The following RAD23B variants were observed in gnomAD, a reference collection of about 807,000 sequenced individuals.
The protein encoded by RAD23B is RAD23 nucleotide excision repair protein B.
Under a neutral mutation model 49.1 loss-of-function variants are expected in RAD23B, and 5 were observed. The ratio of observed to expected loss-of-function variants is 0.10; its 90% CI spans 0.05 to 0.21. The LOEUF is 0.21. Among genes scored for constraint, RAD23B ranks in the 10% least tolerant of loss-of-function variants. RAD23B has a pLI of 1.00. For missense variants in RAD23B, 356 were observed against 486.7 expected (o/e 0.73, Z 2.53); for synonymous variants, 184 against 165.4 (o/e 1.11, Z -0.86).
intron 1 of RAD23B, among the ~76,000 whole-genome samples, chr9:107,289,140 CT>C (rs1833336429): frequency 7.4e-6 from 1 of 135,996 alleles, no homozygotes; most frequent in Non-Finnish European, 1.6e-5. Flanking sequence ...CTCCTTTCCT[CT>C]CCTTCCCTCC....
chr9:107,297,185 C>T (rs1437739553), intron 1 of RAD23B, among the ~76,000 whole-genome samples: 9 of 151,498 alleles, frequency 5.9e-5, no homozygotes, highest in Non-Finnish European at 1.2e-4. Flanking sequence ...TTTTATTTGT[C>T]CTTTTTTTCT....
At chr9:107,309,885 T>G (rs778948125) in intron 4 of RAD23B, among the ~76,000 whole-genome samples, 2 of 146,200 alleles carry the variant, frequency 1.4e-5, no homozygotes, top group Non-Finnish European at 3.0e-5. Flanking sequence ...GAGCCGAGAT[T>G]GCGCCGCTGC....
chr9:107,328,615 T>C (rs1206009343), intron 9 of RAD23B, among the ~76,000 whole-genome samples: 1 of 152,164 alleles, frequency 6.6e-6, no homozygotes, highest in Non-Finnish European at 1.5e-5. Flanking sequence ...GGAGTGGCTG[T>C]AAATACAGAT....
chr9:107,327,589 C>A (rs1029872001), intron 9 of RAD23B, among the ~76,000 whole-genome samples: 1 of 152,100 alleles, frequency 6.6e-6, no homozygotes, highest in Admixed American at 6.5e-5. Context: ...TTTCTCCTTT[C>A]GATTTCTAAA....
At chr9:107,328,349 C>T (rs747551087) in intron 9 of RAD23B, among the ~76,000 whole-genome samples, 2 of 151,844 alleles carry the variant, frequency 1.3e-5, no homozygotes, top group Admixed American at 1.3e-4. Context: ...GTGGGGTGGG[C>T]GCAGTGATTT....
chr9:107,286,510 A>G (rs1332701425), intron 1 of RAD23B, among the ~76,000 whole-genome samples: 1 of 152,256 alleles, frequency 6.6e-6, no homozygotes, highest in Non-Finnish European at 1.5e-5. Context: ...GATACATTAC[A>G]TGACCACTGC....
chr9:107,315,225 T>C (rs1453558412), intron 5 of RAD23B, among the ~76,000 whole-genome samples: 2 of 152,230 alleles, frequency 1.3e-5, no homozygotes, highest in Non-Finnish European at 2.9e-5. Context: ...ATTTGTTGAA[T>C]AGGGTGTCCT....
Position 107,292,630 on chromosome 9 carries a change from A to G in RAD23B, c.67-7511A>G, listed in dbSNP as rs377464712. On this transcript the variant is annotated intron_variant, in intron 1 of 9. Transcript: ENST00000358015. ...GTGAGGTGGAGGTTGCAGTGAGCCA[A>G]GATCGTGCCACTACACTCCAGCCTG... Among the ~76,000 whole-genome samples, 4 of 145,938 alleles carry G rather than the reference A, an allele frequency of 2.7e-5. No homozygotes were observed. The East Asian group carries it at 8.4e-4, about 30-fold the overall frequency.
Position 107,329,683 on chromosome 9 carries a change from C to A in RAD23B, c.*27C>A. On this transcript the variant is annotated 3_prime_UTR_variant, in exon 10 of 10. Coordinates refer to ENST00000358015, the MANE Select transcript of RAD23B (RefSeq NM_002874.5). ...AGGGACTTTTTTATATCTCACACTT[C>A]ACACCAGTGCATTACACTAACTTGT... The A allele has an allele frequency of 1.4e-6, 2 of 1,447,082 alleles. No homozygotes were observed. The highest frequency in any genetic ancestry group is 9.7e-7 in the Non-Finnish European group (1 of 1,031,080). 89.6% of individuals were successfully genotyped at this position (1,447,082 alleles called of 1,614,324 possible). A position where few individuals can be genotyped will look rare whatever the true frequency, so the allele number is the denominator to read the frequency against.
chr9:107,297,547 G>T (rs1353839106), intron 1 of RAD23B, among the ~76,000 whole-genome samples: 1 of 152,086 alleles, frequency 6.6e-6, no homozygotes, highest in Non-Finnish European at 1.5e-5. Context: ...CACCATGTTG[G>T]CCAGGCTGGT....
chr9:107,304,948 A>G (rs922169701), intron 3 of RAD23B, among the ~76,000 whole-genome samples: 2 of 152,226 alleles, frequency 1.3e-5, no homozygotes, highest in African/African-American at 2.4e-5. Context: ...CATGTTTTAT[A>G]TGTTACATGT....
At chr9:107,303,653 C>T (rs1374276919) in intron 3 of RAD23B, among the ~76,000 whole-genome samples, 1 of 152,086 alleles carries the variant, frequency 6.6e-6, no homozygotes, top group African/African-American at 2.4e-5. Flanking sequence ...TTGTGACTGG[C>T]TTATTTCACT....
At chr9:107,328,017 A>G (rs1564254280) in intron 9 of RAD23B, among the ~76,000 whole-genome samples, 1 of 151,936 alleles carries the variant, frequency 6.6e-6, no homozygotes, top group Non-Finnish European at 1.5e-5. Flanking sequence ...TTTGGTTACC[A>G]TTTGCATAGT....
chr9:107,290,190 C>G (rs1031197357), intron 1 of RAD23B, among the ~76,000 whole-genome samples: 2 of 152,156 alleles, frequency 1.3e-5, no homozygotes, highest in African/African-American at 4.8e-5. Flanking sequence ...AAGGTCCTAC[C>G]GTAGCTACCT....
intron 6 of RAD23B, among the ~76,000 whole-genome samples, chr9:107,320,919 C>A (rs1175961423): frequency 6.6e-6 from 1 of 152,222 alleles, no homozygotes; most frequent in East Asian, 1.9e-4. Flanking sequence ...TATGTTGTTG[C>A]TTTTGGCTTC....
chr9:107,301,908 A>C, intron 2 of RAD23B, 127 bp from the exon 3 acceptor site: 2 of 1,322,602 alleles, frequency 1.5e-6, no homozygotes, highest in Non-Finnish European at 2.0e-6. Flanking sequence ...TAACTGATAG[A>C]ATTTATGTTG....
chr9:107,310,681 C>T (rs990234118), intron 4 of RAD23B, among the ~76,000 whole-genome samples: 4 of 152,088 alleles, frequency 2.6e-5, no homozygotes, highest in Admixed American at 1.3e-4. Flanking sequence ...TAATGAAGAA[C>T]TTAAATTATA....
Position 107,318,351 on chromosome 9 carries a change from T to TGTTATG in RAD23B, c.554-401_554-400insGTTATG. On this transcript the variant is annotated intron_variant, in intron 5 of 9. Coordinates refer to ENST00000358015, the MANE Select transcript of RAD23B (RefSeq NM_002874.5). The surrounding 1 kb of genome is among the most constrained non-coding windows in gnomAD (Gnocchi z 4.3). ...TCTTCAAAGGCAACAGCATAACATC[T>TGTTATG]CTCATCCTGGTTTTGTCTCCTCCTC... Among the ~76,000 whole-genome samples the TGTTATG allele has an allele frequency of 1.3e-5, 2 of 152,240 alleles. No individual in the cohort carries two copies. The highest frequency in any genetic ancestry group is 1.3e-4 in the Admixed American group (2 of 15,288).
intron 3 of RAD23B, among the ~76,000 whole-genome samples, chr9:107,303,895 C>G (rs1826708769): frequency 6.6e-6 from 1 of 152,146 alleles, no homozygotes; most frequent in South Asian, 2.1e-4. Flanking sequence ...GAAAAAGTCT[C>G]AATAGGTGCG....
Sources: allele counts gnomAD v4.1 joint callset (sites outside exome capture counted in the v4.1 genomes callset), GRCh38; gene constraint gnomAD v4.1.1; non-coding constraint Gnocchi (gnomAD v3.1); transcripts MANE v1.5; gene names NCBI Gene and HGNC (gene_info 2026-07-23, HGNC 2026-07-21).